COL23A1: variants seen among roughly 807,000 people sequenced by gnomAD.
The protein encoded by COL23A1 is collagen type XXIII alpha 1 chain, also known as collagen alpha-1(XXIII) chain.
Under a neutral mutation model 99.3 loss-of-function variants are expected in COL23A1, and 97 were observed. The observed-to-expected ratio is 0.98, with a 90% CI of 0.83 to 1.16. The LOEUF (loss-of-function observed/expected upper bound fraction) is 1.16. Among genes scored for constraint, COL23A1 ranks in the 50% most tolerant of loss-of-function variants. The pLI is 0.00. For missense variants in COL23A1, 762 were observed against 757.4 expected (o/e 1.01, Z -0.07); for synonymous variants, 320 against 308.2 (o/e 1.04, Z -0.40).
At chr5:178,249,716 A>ACACACACACACTCTCTCTCT in intron 18 of COL23A1, among the ~76,000 whole-genome samples, 5 of 92,808 alleles carry the variant, frequency 5.4e-5, no homozygotes, top group African/African-American at 1.7e-4. Context: ...ACACACACAC[A>ACACACACACACTCTCTCTCT]CTCTCTCTCT....
intron 2 of COL23A1, among the ~76,000 whole-genome samples, chr5:178,504,562 G>A (rs572100234): frequency 1.3e-5 from 2 of 152,336 alleles, no homozygotes; most frequent in South Asian, 2.1e-4. Flanking sequence ...CTCAGTGGGT[G>A]ATGGTGACAG....
intron 2 of COL23A1, among the ~76,000 whole-genome samples, chr5:178,333,084 A>G (rs1282797126): frequency 1.3e-5 from 2 of 151,962 alleles, no homozygotes; most frequent in Non-Finnish European, 2.9e-5. Flanking sequence ...CAGCCTCCAG[A>G]GTAGCTGGGA....
At chr5:178,328,696 A>G (rs1759837013) in intron 2 of COL23A1, among the ~76,000 whole-genome samples, 1 of 152,066 alleles carries the variant, frequency 6.6e-6, no homozygotes, top group African/African-American at 2.4e-5. Flanking sequence ...TCAACTAATT[A>G]CTCGAAAAAA....
intron 2 of COL23A1, among the ~76,000 whole-genome samples, chr5:178,401,746 T>C (rs1764458451): frequency 6.6e-6 from 1 of 152,212 alleles, no homozygotes; most frequent in South Asian, 2.1e-4. Flanking sequence ...CCATTTGACA[T>C]CCCCCTAGCA....
intron 2 of COL23A1, among the ~76,000 whole-genome samples, chr5:178,482,470 C>T (rs1443301628): frequency 1.3e-5 from 2 of 152,196 alleles, no homozygotes; most frequent in African/African-American, 2.4e-5. Flanking sequence ...GGGGAATTAT[C>T]GTTTAATGGG....
chr5:178,404,551 C>T (rs1482024334), intron 2 of COL23A1, among the ~76,000 whole-genome samples: 1 of 60,240 alleles, frequency 1.7e-5, no homozygotes, highest in African/African-American at 4.5e-4. Flanking sequence ...GGAAATACAG[C>T]TGATTCCTTA....
chr5:178,281,035 C>G lies in COL23A1; in HGVS notation c.441+7289G>C, dbSNP rs1166265313. ...AGACTTAGGGCCCTGGGGAGAACGG[C>G]CAGCATGGTGGCCCTGGTTGCATCT... is the stretch of plus-strand genomic sequence containing the variant. On this transcript the variant is annotated intron_variant, in intron 5 of 28. Coordinates refer to ENST00000390654, the MANE Select transcript of COL23A1 (RefSeq NM_173465.4). The surrounding 1 kb of genome is among the most constrained non-coding windows in gnomAD (Gnocchi z 4.0). Among the ~76,000 whole-genome samples, 1 of 152,114 alleles carries G rather than the reference C, an allele frequency of 6.6e-6. No homozygotes were observed. The highest frequency in any genetic ancestry group is 1.5e-5 in the Non-Finnish European group (1 of 68,018).
intron 18 of COL23A1, among the ~76,000 whole-genome samples, chr5:178,249,616 C>T (rs57478839): frequency 0.25 from 38,206 of 151,748 alleles, 4,954 homozygotes; most frequent in African/African-American, 0.31. Flanking sequence ...ACACTGCGGA[C>T]CCAGTGGGAA....
chr5:178,569,464 A>T (rs551100789), intron 1 of COL23A1, among the ~76,000 whole-genome samples: 1 of 152,374 alleles, frequency 6.6e-6, no homozygotes, highest in East Asian at 1.9e-4. Context: ...CCTTACTGAG[A>T]TCTTGCTACA....
At chr5:178,542,273 C>T (rs1581599945) in intron 2 of COL23A1, among the ~76,000 whole-genome samples, 6 of 152,274 alleles carry the variant, frequency 3.9e-5, no homozygotes, top group Non-Finnish European at 5.9e-5. Context: ...AGGCTGGTCT[C>T]GCCCGCCTCA....
At chr5:178,491,166 G>C (rs1461882521) in intron 2 of COL23A1, among the ~76,000 whole-genome samples, 2 of 151,712 alleles carry the variant, frequency 1.3e-5, no homozygotes, top group Admixed American at 6.6e-5. Context: ...GAGAGAAAGG[G>C]AAAGAGAGAG....
In COL23A1 at chr5:178,280,830, C is replaced by T. The variant is rs1253837785; in HGVS notation, c.441+7494G>A. Among the ~76,000 whole-genome samples the T allele has an allele frequency of 6.6e-6, 1 of 152,162 alleles. No homozygotes were observed. Among genetic ancestry groups the T allele is most frequent in the Non-Finnish European group, 1.5e-5 (1 of 68,030 alleles). On this transcript the variant is annotated intron_variant, in intron 5 of 28. Coordinates refer to ENST00000390654, the MANE Select transcript of COL23A1 (RefSeq NM_173465.4). This position sits in a 1 kb window ranked among gnomAD's most constrained non-coding sequence, Gnocchi z 4.9. ...TGGACAGGAGGTACCTGGGCTGCTG[C>T]CAGGAGGATGCAAAAAACTGCAGCA...
intron 2 of COL23A1, among the ~76,000 whole-genome samples, chr5:178,338,811 C>G (rs1359887589): frequency 6.6e-6 from 1 of 152,226 alleles, no homozygotes; most frequent in Non-Finnish European, 1.5e-5. Context: ...AGTGCCCACA[C>G]AAGGGGGATC....
chr5:178,358,072 GTA>G lies in COL23A1; in HGVS notation c.362-51155_362-51154del, dbSNP rs555298667. On this transcript the variant is annotated intron_variant, in intron 2 of 28. Transcript: ENST00000390654. ...TATGTCTAATGTATGTGTATTGTGT[GTA>G]TGTGTATGTACGTGTGTAGGTCTAA... Among the ~76,000 whole-genome samples, 29 of 146,330 alleles carry G rather than the reference GTA, an allele frequency of 2.0e-4. No individual in the cohort carries two copies. The East Asian group carries it at 4.7e-3, about 24-fold the overall frequency.
At chr5:178,513,918 A>G (rs916979560) in intron 2 of COL23A1, among the ~76,000 whole-genome samples, 5 of 152,110 alleles carry the variant, frequency 3.3e-5, no homozygotes, top group Non-Finnish European at 5.9e-5. Flanking sequence ...AAATTTTGCC[A>G]TCTTACCCAT....
At chr5:178,286,079 G>A (rs150005887) in intron 5 of COL23A1, among the ~76,000 whole-genome samples, 1,724 of 152,294 alleles carry the variant, frequency 0.011, 31 homozygotes, top group African/African-American at 0.039. Flanking sequence ...CAGGGAAGAC[G>A]CCTACCTCCG....
chr5:178,566,350 A>G (rs1441987353), intron 1 of COL23A1, among the ~76,000 whole-genome samples: 1 of 152,194 alleles, frequency 6.6e-6, no homozygotes, highest in Non-Finnish European at 1.5e-5. Flanking sequence ...TGTCCATCCC[A>G]AAGAGTGACC....
intron 2 of COL23A1, among the ~76,000 whole-genome samples, chr5:178,512,816 C>A (rs944560732): frequency 4.6e-5 from 7 of 152,248 alleles, no homozygotes; most frequent in Admixed American, 1.3e-4. Flanking sequence ...GTGACCCAAT[C>A]TGACAGGACT....
At chr5:178,416,311 G>C (rs148880383) in intron 2 of COL23A1, among the ~76,000 whole-genome samples, 1,555 of 152,316 alleles carry the variant, frequency 0.01, 38 homozygotes, top group African/African-American at 0.035. Flanking sequence ...GATGCGCAAA[G>C]AGACAGCCCT....
Sources: allele counts gnomAD v4.1 joint callset (sites outside exome capture counted in the v4.1 genomes callset), GRCh38; gene constraint gnomAD v4.1.1; non-coding constraint Gnocchi (gnomAD v3.1); transcripts MANE v1.5; gene names NCBI Gene and HGNC (gene_info 2026-07-23, HGNC 2026-07-21).